The following CNTNAP4 variants were observed in gnomAD, a reference collection of about 807,000 sequenced individuals.
CNTNAP4 encodes the protein contactin-associated protein-like 4.
CNTNAP4 carries 98 observed loss-of-function variants against 148.4 expected under a neutral mutation model. The ratio of observed to expected loss-of-function variants is 0.66; its 90% CI spans 0.56 to 0.78. The LOEUF (loss-of-function observed/expected upper bound fraction) is 0.78. CNTNAP4 is among the 30% of genes least tolerant of loss of function. The pLI is 0.00. For missense variants in CNTNAP4, 1,935 were observed against 1,565.6 expected, an observed-to-expected ratio of 1.24 and a Z score of -3.98; for synonymous variants, 730 against 565.1, an observed-to-expected ratio of 1.29 and a Z score of -4.14.
intron 15 of CNTNAP4, among the ~76,000 whole-genome samples, chr16:76,517,209 G>A (rs970634299): frequency 2.6e-5 from 4 of 152,134 alleles, no homozygotes; most frequent in Non-Finnish European, 5.9e-5. Context: ...TAAAGAAGGG[G>A]TAAGGAGGGA....
intron 15 of CNTNAP4, among the ~76,000 whole-genome samples, chr16:76,518,459 A>G (rs1387575683): frequency 1.3e-5 from 2 of 152,142 alleles, no homozygotes; most frequent in African/African-American, 4.8e-5. Context: ...CTAGTACCCT[A>G]TATTGAATTG....
At chr16:76,548,922 T>G (rs1198286947) in intron 21 of CNTNAP4, among the ~76,000 whole-genome samples, 1 of 152,200 alleles carries the variant, frequency 6.6e-6, no homozygotes, top group African/African-American at 2.4e-5. Context: ...CAGCTTTGCT[T>G]ATGAGCAACT....
rs200830849 is a variant in CNTNAP4, at chr16:76,317,279, A to G, written c.196+756A>G. Reference sequence around the variant, plus strand: ...AAAAAAAAAAACAAAAAAAAAAACCAAAAAAAAAAAAACCCAAAAAACCCC... The same window carrying G: ...AAAAAAAAAAACAAAAAAAAAAACCGAAAAAAAAAAAACCCAAAAAACCCC... On this transcript the variant is annotated intron_variant, in intron 2 of 23. Coordinates refer to ENST00000611870, the MANE Select transcript of CNTNAP4 (RefSeq NM_033401.5). 1.5e-3 allele frequency among the ~76,000 whole-genome samples: 52 copies of G among 33,692 alleles called. No individual in the cohort carries two copies. The East Asian group carries it at 0.033, about 21-fold the overall frequency. The allele number at this position is 33,692 out of a possible 152,430, so 22.1% of individuals were successfully genotyped here.
intron 17 of CNTNAP4, 74 bp from the exon 18 acceptor site, chr16:76,535,471 C>A: frequency 6.6e-7 from 1 of 1,523,918 alleles, no homozygotes; most frequent in Admixed American, 2.1e-5. Context: ...TGTAAGGCCT[C>A]AGTTTTGTTT....
chr16:76,470,308 G>T (rs1027623556), intron 10 of CNTNAP4, among the ~76,000 whole-genome samples: 1 of 151,594 alleles, frequency 6.6e-6, no homozygotes, highest in Admixed American at 6.6e-5. Flanking sequence ...CGTAATAAAT[G>T]TATCATTTGA....
intron 17 of CNTNAP4, among the ~76,000 whole-genome samples, chr16:76,531,861 A>C (rs2083999157): frequency 6.6e-6 from 1 of 152,204 alleles, no homozygotes; most frequent in South Asian, 2.1e-4. Flanking sequence ...GTGTGGCTTA[A>C]AACTATTTGG....
intron 8 of CNTNAP4, among the ~76,000 whole-genome samples, chr16:76,460,773 A>AAAAAAATAT: frequency 8.7e-5 from 5 of 57,326 alleles, no homozygotes; most frequent in African/African-American, 2.6e-4. Context: ...AAAAAAAAAA[A>AAAAAAATAT]ATATATATAT....
At chr16:76,496,712 T>G (rs952004532) in intron 14 of CNTNAP4, among the ~76,000 whole-genome samples, 1 of 152,156 alleles carries the variant, frequency 6.6e-6, no homozygotes, top group African/African-American at 2.4e-5. Flanking sequence ...ATGAAATCTT[T>G]AAAGAATAAC....
intron 15 of CNTNAP4, among the ~76,000 whole-genome samples, chr16:76,501,966 G>T (rs1348648525): frequency 6.6e-6 from 1 of 151,618 alleles, no homozygotes; most frequent in Non-Finnish European, 1.5e-5. Context: ...CTACTTGGGA[G>T]GCTGAGGCAG....
chr16:76,372,902 T>C (rs889541282), intron 3 of CNTNAP4, among the ~76,000 whole-genome samples: 5 of 152,312 alleles, frequency 3.3e-5, no homozygotes, highest in Non-Finnish European at 7.4e-5. Context: ...AGGCTATGAA[T>C]TCCCAGAAGA....
intron 17 of CNTNAP4, among the ~76,000 whole-genome samples, chr16:76,526,793 C>G (rs957842128): frequency 6.6e-6 from 1 of 152,214 alleles, no homozygotes; most frequent in African/African-American, 2.4e-5. Flanking sequence ...CCCACCTCAG[C>G]CTCCCAAGTA....
At chr16:76,319,176 G>T (rs1346470125) in intron 2 of CNTNAP4, among the ~76,000 whole-genome samples, 2 of 152,128 alleles carry the variant, frequency 1.3e-5, no homozygotes, top group African/African-American at 4.8e-5. Context: ...GATTACTTGA[G>T]CTCAGGAGTT....
At chr16:76,522,634 C>T (rs12716817) in intron 17 of CNTNAP4, among the ~76,000 whole-genome samples, 11,375 of 73,076 alleles carry the variant, frequency 0.16, 2,314 homozygotes, top group African/African-American at 0.28. Context: ...TCCTTCCTTC[C>T]TTCTTTCTTT....
At chr16:76,415,125 C>A (rs1476415393) in intron 3 of CNTNAP4, among the ~76,000 whole-genome samples, 6 of 151,118 alleles carry the variant, frequency 4.0e-5, no homozygotes, top group Non-Finnish European at 8.9e-5. Context: ...TGTGTATATT[C>A]TTTCAGATTT....
At chr16:76,444,993 T>C (rs2143093423) in intron 4 of CNTNAP4, among the ~76,000 whole-genome samples, 1 of 152,328 alleles carries the variant, frequency 6.6e-6, no homozygotes, top group African/African-American at 2.4e-5. Context: ...TCACTCCTAC[T>C]CTGAGTACTA....
At chr16:76,338,700 A>G (rs1964219651) in intron 2 of CNTNAP4, among the ~76,000 whole-genome samples, 1 of 152,192 alleles carries the variant, frequency 6.6e-6, no homozygotes, top group Admixed American at 6.5e-5. Flanking sequence ...TCTGAGATGA[A>G]GAACAGACCC....
chr16:76,393,768 T>G (rs1045077750), intron 3 of CNTNAP4, among the ~76,000 whole-genome samples: 1 of 152,108 alleles, frequency 6.6e-6, no homozygotes, highest in Non-Finnish European at 1.5e-5. Flanking sequence ...AGAAGAGACT[T>G]CAGCCTGCGG....
At chr16:76,483,714 T>A (rs2081924448) in intron 12 of CNTNAP4, among the ~76,000 whole-genome samples, 1 of 152,158 alleles carries the variant, frequency 6.6e-6, no homozygotes, top group African/African-American at 2.4e-5. Context: ...AATGAGACAT[T>A]TGTTCATAGT....
intron 4 of CNTNAP4, among the ~76,000 whole-genome samples, chr16:76,441,569 A>T (rs1463274269): frequency 6.6e-6 from 1 of 152,148 alleles, no homozygotes. Context: ...GTCACCAGCA[A>T]TTGCTGTGGT....
Sources: allele counts gnomAD v4.1 joint callset (sites outside exome capture counted in the v4.1 genomes callset), GRCh38; gene constraint gnomAD v4.1.1; transcripts MANE v1.5; gene names NCBI Gene and HGNC (gene_info 2026-07-23, HGNC 2026-07-21).